Variants in NLGN1 observed in about 807,000 individuals in gnomAD.
NLGN1 encodes the protein neuroligin 1.
Under a neutral mutation model 65.5 loss-of-function variants are expected in NLGN1, and 12 were observed. The ratio of observed to expected loss-of-function variants is 0.18; its 90% CI spans 0.12 to 0.30. The LOEUF (loss-of-function observed/expected upper bound fraction) is 0.30, where lower values mean the gene tolerates loss of function less well. NLGN1 is among the 10% of genes least tolerant of loss of function. The pLI, the probability that NLGN1 is intolerant of heterozygous loss-of-function variation, is 1.00. For synonymous variants in NLGN1, 350 were observed against 359.5 expected, an observed-to-expected ratio of 0.97 and a Z score of 0.30; for missense variants, 750 against 1,007.1, an observed-to-expected ratio of 0.74 and a Z score of 3.46.
intron 4 of NLGN1, among the ~76,000 whole-genome samples, chr3:173,851,761 A>AG (rs1359024545): frequency 1.3e-5 from 2 of 152,208 alleles, no homozygotes; most frequent in Admixed American, 1.3e-4. Context: ...TAAACCAAAG[A>AG]GGGAGCACCC....
intron 4 of NLGN1, among the ~76,000 whole-genome samples, chr3:174,151,979 AT>A (rs1388374169): frequency 1.6e-4 from 24 of 152,180 alleles, no homozygotes; most frequent in Admixed American, 7.9e-4. Context: ...ATAGAAAAAA[AT>A]AACTGTTAGA....
intron 4 of NLGN1, among the ~76,000 whole-genome samples, chr3:173,815,927 T>C (rs1023869975): frequency 6.6e-6 from 1 of 151,514 alleles, no homozygotes; most frequent in Non-Finnish European, 1.5e-5. Flanking sequence ...AACTAAGTTA[T>C]AATATTATTA....
At chr3:174,185,880 T>C (rs971952752) in intron 4 of NLGN1, among the ~76,000 whole-genome samples, 4 of 152,068 alleles carry the variant, frequency 2.6e-5, no homozygotes, top group Admixed American at 2.0e-4. Context: ...TGTTTTGCAC[T>C]AACTTTTTCC....
chr3:173,668,026 A>G (rs1394533975), intron 3 of NLGN1, among the ~76,000 whole-genome samples: 1 of 152,190 alleles, frequency 6.6e-6, no homozygotes, highest in Non-Finnish European at 1.5e-5. Flanking sequence ...ATTCACAAAC[A>G]TTTATTTATC....
chr3:173,822,814 A>G (rs1461248697), intron 4 of NLGN1, among the ~76,000 whole-genome samples: 8 of 152,164 alleles, frequency 5.3e-5, no homozygotes, highest in Admixed American at 3.3e-4. Context: ...ATGATACCAT[A>G]TAATTAAGAA....
chr3:173,870,810 A>T (rs1318452352), intron 4 of NLGN1, among the ~76,000 whole-genome samples: 3 of 152,204 alleles, frequency 2.0e-5, no homozygotes, highest in African/African-American at 7.2e-5. Context: ...GCACAGAGCT[A>T]CTAAAACTAT....
At chr3:173,667,239 G>GCACACACACACACACACACACACA (rs3032837) in intron 3 of NLGN1, among the ~76,000 whole-genome samples, 7 of 147,328 alleles carry the variant, frequency 4.8e-5, no homozygotes, top group African/African-American at 1.3e-4. Context: ...ACACGCATAT[G>GCACACACACACACACACACACACA]CACACACACA....
At chr3:174,012,798 T>TAA (rs1335503280) in intron 4 of NLGN1, among the ~76,000 whole-genome samples, 1 of 152,170 alleles carries the variant, frequency 6.6e-6, no homozygotes, top group Non-Finnish European at 1.5e-5. Flanking sequence ...CATATATATA[T>TAA]AATAGGTTTG....
chr3:174,143,910 T>C (rs539740076), intron 4 of NLGN1, among the ~76,000 whole-genome samples: 1 of 152,266 alleles, frequency 6.6e-6, no homozygotes, highest in Admixed American at 6.5e-5. Flanking sequence ...CTTGTTTCAA[T>C]TGATAGTTTT....
chr3:174,121,722 C>A (rs1717815635), intron 4 of NLGN1, among the ~76,000 whole-genome samples: 1 of 152,138 alleles, frequency 6.6e-6, no homozygotes, highest in Admixed American at 6.5e-5. Context: ...CTTTCAAGTT[C>A]TTATACCTCC....
At chr3:173,956,678 T>G (rs1443436264) in intron 4 of NLGN1, among the ~76,000 whole-genome samples, 1 of 152,160 alleles carries the variant, frequency 6.6e-6, no homozygotes, top group Non-Finnish European at 1.5e-5. Flanking sequence ...AAGTTGTGGC[T>G]TTTATGTATG....
intron 4 of NLGN1, among the ~76,000 whole-genome samples, chr3:174,211,582 T>C (rs201528474): frequency 5.7e-3 from 252 of 43,942 alleles, no homozygotes; most frequent in Middle Eastern, 0.018. Context: ...ATAAAGGTTC[T>C]CCACGTCCCC....
At chr3:173,981,393 A>T (rs2152393755) in intron 4 of NLGN1, among the ~76,000 whole-genome samples, 1 of 152,306 alleles carries the variant, frequency 6.6e-6, no homozygotes, top group South Asian at 2.1e-4. Context: ...TAAAATGTTT[A>T]GTAAGAATAT....
chr3:173,439,757 C>T (rs1326742228), intron 2 of NLGN1, among the ~76,000 whole-genome samples: 1 of 151,904 alleles, frequency 6.6e-6, no homozygotes, highest in African/African-American at 2.4e-5. Flanking sequence ...ATACTTAAAG[C>T]TAAAATGCTA....
At chr3:173,591,076 A>G (rs534568416) in intron 2 of NLGN1, among the ~76,000 whole-genome samples, 3 of 152,310 alleles carry the variant, frequency 2.0e-5, no homozygotes, top group Non-Finnish European at 4.4e-5. Context: ...TTTCGTCATT[A>G]CTTAAGATCT....
chr3:173,656,120 T>C (rs1048353580), intron 3 of NLGN1, among the ~76,000 whole-genome samples: 2 of 152,162 alleles, frequency 1.3e-5, no homozygotes, highest in African/African-American at 4.8e-5. Flanking sequence ...GTGTTTGTCC[T>C]ATGTAAATGG....
chr3:174,291,007 G>C (rs535457223), downstream of NLGN1, among the ~76,000 whole-genome samples: 116 of 144,120 alleles, frequency 8.0e-4, no homozygotes, highest in African/African-American at 3.1e-3. Flanking sequence ...TAAAACTCAA[G>C]AAAGAATTAT....
intron 4 of NLGN1, among the ~76,000 whole-genome samples, chr3:174,182,700 G>C (rs1207403417): frequency 6.6e-6 from 1 of 152,116 alleles, no homozygotes; most frequent in African/African-American, 2.4e-5. Context: ...CAGACTTCAT[G>C]AAAGTAGTAA....
At chr3:173,532,560 A>C (rs1291507879) in intron 2 of NLGN1, among the ~76,000 whole-genome samples, 3 of 152,210 alleles carry the variant, frequency 2.0e-5, no homozygotes, top group Non-Finnish European at 4.4e-5. Flanking sequence ...AGAAATCTTC[A>C]TGATTAAGGA....
Sources: allele counts gnomAD v4.1 joint callset (sites outside exome capture counted in the v4.1 genomes callset), GRCh38; gene constraint gnomAD v4.1.1; transcripts MANE v1.5; gene names NCBI Gene and HGNC (gene_info 2026-07-23, HGNC 2026-07-21).